PMFBP1: variants seen among roughly 807,000 people sequenced by gnomAD.
The protein encoded by PMFBP1 is polyamine-modulated factor 1-binding protein 1.
PMFBP1 carries 131 observed loss-of-function variants against 137.8 expected under a neutral mutation model. That is an observed-to-expected ratio of 0.95 (90% CI 0.82 to 1.10). The LOEUF is 1.10. PMFBP1 is among the 50% of genes least tolerant of loss of function. PMFBP1 has a pLI of 0.00. For missense variants in PMFBP1, 1,199 were observed against 1,175.4 expected (o/e 1.02, Z -0.29); for synonymous variants, 490 against 450.4 (o/e 1.09, Z -1.11).
the PMFBP1 span, among the ~76,000 whole-genome samples, chr16:72,201,055 C>T: frequency 9.2e-5 from 14 of 152,192 alleles, no homozygotes; most frequent in African/African-American, 2.9e-4. Flanking sequence ...TGAATAACTC[C>T]TTGTTCCCAC....
chr16:72,202,454 A>T, the PMFBP1 span, among the ~76,000 whole-genome samples: 6 of 152,190 alleles, frequency 3.9e-5, no homozygotes, highest in Non-Finnish European at 8.8e-5. Flanking sequence ...CTGGGATTAC[A>T]GGCGTGAGCC....
At chr16:72,168,693 T>C (rs1309305071) in intron 2 of PMFBP1, among the ~76,000 whole-genome samples, 1 of 152,196 alleles carries the variant, frequency 6.6e-6, no homozygotes, top group African/African-American at 2.4e-5. Context: ...ATAAGTCATG[T>C]ACTTAGATAC....
intron 3 of PMFBP1, chr16:72,164,305 G>C: frequency 2.3e-6 from 2 of 874,106 alleles, no homozygotes; most frequent in South Asian, 2.8e-5. Flanking sequence ...CAGAAGAAAA[G>C]CTTGCAGGCA....
chr16:72,232,344 A>T, the PMFBP1 span, among the ~76,000 whole-genome samples: 1 of 152,158 alleles, frequency 6.6e-6, no homozygotes, highest in Non-Finnish European at 1.5e-5. Flanking sequence ...TATTCTAAAC[A>T]CAAGGGCAGC....
the PMFBP1 span, among the ~76,000 whole-genome samples, chr16:72,223,519 C>T: frequency 6.6e-6 from 1 of 152,134 alleles, no homozygotes; most frequent in South Asian, 2.1e-4. Context: ...TTCCTTATGA[C>T]CAGTCAGTGG....
At chr16:72,152,118 C>T (rs900624796) in intron 4 of PMFBP1, among the ~76,000 whole-genome samples, 2 of 152,186 alleles carry the variant, frequency 1.3e-5, no homozygotes, top group Non-Finnish European at 2.9e-5. Context: ...GAATCACCTC[C>T]GGAATTAGTT....
intron 3 of PMFBP1, chr16:72,164,368 T>G (rs1283642284): frequency 6.3e-5 from 80 of 1,275,256 alleles, no homozygotes; most frequent in Non-Finnish European, 8.1e-5. Flanking sequence ...TGGACACTGA[T>G]ACCTTAGAGC....
intron 3 of PMFBP1, among the ~76,000 whole-genome samples, chr16:72,163,931 G>T (rs543531901): frequency 4.6e-5 from 7 of 152,040 alleles, no homozygotes; most frequent in African/African-American, 1.4e-4. Context: ...GAAAGGGTGG[G>T]GGGGGTGAGG....
chr16:72,149,688 TG>T (rs752870706), intron 5 of PMFBP1, among the ~76,000 whole-genome samples: 1 of 152,082 alleles, frequency 6.6e-6, no homozygotes, highest in East Asian at 1.9e-4. Context: ...CCGGGCATGG[TG>T]GCGCGTGACT....
intron 14 of PMFBP1, 136 bp from the exon 15 acceptor site, chr16:72,126,268 A>G (rs997700754): frequency 2.7e-5 from 25 of 915,918 alleles, no homozygotes; most frequent in Non-Finnish European, 3.9e-5. Context: ...TAACACTCAC[A>G]TCTTCACTTC....
intron 7 of PMFBP1, among the ~76,000 whole-genome samples, chr16:72,138,505 T>TTTTA (rs540055730): frequency 1.1e-3 from 163 of 152,234 alleles, no homozygotes; most frequent in South Asian, 2.9e-3. Flanking sequence ...GTTCATCAAC[T>TTTTA]TTTATTTATT....
the PMFBP1 span, among the ~76,000 whole-genome samples, chr16:72,230,990 A>G: frequency 1.3e-5 from 2 of 152,204 alleles, no homozygotes; most frequent in African/African-American, 4.8e-5. Context: ...TAATCAGTTA[A>G]ACATAGTTCT....
intron 3 of PMFBP1, among the ~76,000 whole-genome samples, chr16:72,156,013 G>A (rs1029819934): frequency 3.3e-5 from 5 of 152,112 alleles, no homozygotes; most frequent in Non-Finnish European, 5.9e-5. Flanking sequence ...TTGAGACAGA[G>A]TCTTGCTCCA....
chr16:72,196,476 T>C, the PMFBP1 span, among the ~76,000 whole-genome samples: 1 of 152,118 alleles, frequency 6.6e-6, no homozygotes, highest in Non-Finnish European at 1.5e-5. Context: ...ATAACACCTG[T>C]CTTGTAAATC....
chr16:72,145,645 A>C (rs1459818756), intron 5 of PMFBP1, among the ~76,000 whole-genome samples: 2 of 152,332 alleles, frequency 1.3e-5, no homozygotes, highest in East Asian at 3.9e-4. Flanking sequence ...AGACTAATAA[A>C]GAAGAAAAGA....
intron 2 of PMFBP1, among the ~76,000 whole-genome samples, chr16:72,166,693 G>A (rs1007215249): frequency 5.9e-5 from 9 of 152,184 alleles, no homozygotes; most frequent in African/African-American, 2.2e-4. Context: ...GGAAACTCTG[G>A]AATATGAGCT....
intron 5 of PMFBP1, among the ~76,000 whole-genome samples, chr16:72,147,746 T>A (rs554718284): frequency 3.3e-5 from 5 of 152,266 alleles, no homozygotes; most frequent in African/African-American, 1.2e-4. Context: ...AAGACATTTA[T>A]GCAGCCAAGA....
chr16:72,127,528 G>GA (rs1413639439), intron 14 of PMFBP1, among the ~76,000 whole-genome samples: 1 of 151,868 alleles, frequency 6.6e-6, no homozygotes, highest in Non-Finnish European at 1.5e-5. Context: ...TGAGGATGGT[G>GA]AAAAAAAATT....
At chr16:72,198,700 C>G in the PMFBP1 span, among the ~76,000 whole-genome samples, 1 of 152,114 alleles carries the variant, frequency 6.6e-6, no homozygotes, top group African/African-American at 2.4e-5. Context: ...TTGGGCTATA[C>G]CTGGGGTTGA....
Sources: allele counts gnomAD v4.1 joint callset (sites outside exome capture counted in the v4.1 genomes callset), GRCh38; gene constraint gnomAD v4.1.1; transcripts MANE v1.5; gene names NCBI Gene and HGNC (gene_info 2026-07-23, HGNC 2026-07-21).